Variants in ITSN2 observed in about 807,000 individuals in gnomAD.
ITSN2 encodes intersectin 2.
A neutral mutation model predicts 243.7 loss-of-function variants in ITSN2; 156 were observed. The ratio of observed to expected loss-of-function variants is 0.64; its 90% confidence interval spans 0.56 to 0.73. The LOEUF (loss-of-function observed/expected upper bound fraction) is 0.73, where lower values mean the gene tolerates loss of function less well. Among genes scored for constraint, ITSN2 ranks in the 30% least tolerant of loss-of-function variants. ITSN2 has a pLI of 0.00. For synonymous variants in ITSN2, 703 were observed against 699.9 expected, an observed-to-expected ratio of 1.00 and a Z score of -0.07; for missense variants, 1,801 against 1,996.1, an observed-to-expected ratio of 0.90 and a Z score of 1.86.
Position 24,221,008 on chromosome 2 carries a change from G to T in ITSN2, c.3636C>A (p.Gly1212=), listed in dbSNP as rs756446718. 6.2e-7 allele frequency: 1 copy of T among 1,609,980 alleles called. No individual in the cohort carries two copies. Among genetic ancestry groups the T allele is most frequent in the Non-Finnish European group, 8.5e-7 (1 of 1,178,506 alleles). ...TMQPIERKRQ[G]YIHELIQTEE... ...CGGTCTGAATCAGCTCATGAATATA[G>T]CCCTGTCTTTTCCTCTCAATTGGCT... The change falls in exon 30 of 40, where the codon GGC becomes GGA. Residue 1212 remains glycine, a synonymous_variant. Transcript: ENST00000355123.
chr2:24,271,817 C>G lies in ITSN2; in HGVS notation c.2206G>C (p.Glu736Gln). The G allele has an allele frequency of 6.2e-7, 1 of 1,608,412 alleles. No homozygotes were observed. Among genetic ancestry groups the G allele is most frequent in the Non-Finnish European group, 8.5e-7 (1 of 1,178,808 alleles). Residue 736 changes from glutamate to glutamine, a missense_variant, in exon 19 of 40, where the codon GAG (glutamate) becomes CAG (glutamine). Glu to Gln is a conservative substitution (Grantham distance 29). Transcript: ENST00000355123. The stretch of plus-strand genomic sequence containing the variant: ...TCCTTATCCTTACGTTGTTTCTCCT[C>G]AGCTTTCCGTTCCTCTTCTTGAATT... ...EKIQEEERKA[E>Q]EKQRKDKDTL...
intron 17 of ITSN2, among the ~76,000 whole-genome samples, chr2:24,281,031 T>C (rs1678704505): frequency 6.6e-6 from 1 of 152,180 alleles, no homozygotes; most frequent in African/African-American, 2.4e-5. Flanking sequence ...TAGGGTTTGT[T>C]TGTTTGTTTT....
chr2:24,303,866 AT>A lies in ITSN2; in HGVS notation c.794-5del. 2 of 1,589,354 alleles carry A rather than the reference AT, an allele frequency of 1.3e-6. No homozygotes were observed. Among genetic ancestry groups the A allele is most frequent in the Non-Finnish European group, 8.6e-7 (1 of 1,157,432 alleles). ...AGGGCATTTCTAGCTTGAAAACCTGATTAAGTGGGGAAAATCATAAAGGAAT... is the reference window on the plus strand; with the variant it reads ...AGGGCATTTCTAGCTTGAAAACCTGATAAGTGGGGAAAATCATAAAGGAAT... On this transcript the variant is annotated splice_polypyrimidine_tract_variant and splice_region_variant and intron_variant, in intron 8 of 39. Coordinates refer to ENST00000355123, the MANE Select transcript of ITSN2 (RefSeq NM_006277.3).
chr2:24,356,684 C>T (rs1037430051), intron 1 of ITSN2, among the ~76,000 whole-genome samples: 3 of 152,028 alleles, frequency 2.0e-5, no homozygotes, highest in Non-Finnish European at 2.9e-5. Flanking sequence ...GAGGCCAAGG[C>T]GGGTGGCTCA....
intron 3 of ITSN2, among the ~76,000 whole-genome samples, chr2:24,314,054 G>A (rs1683611435): frequency 1.3e-5 from 2 of 152,096 alleles, no homozygotes; most frequent in African/African-American, 4.8e-5. Context: ...TTGCTTTACT[G>A]CTTGCTACAA....
intron 9 of ITSN2, among the ~76,000 whole-genome samples, chr2:24,302,698 G>C (rs1224290555): frequency 6.6e-6 from 1 of 152,190 alleles, no homozygotes; most frequent in Admixed American, 6.5e-5. Context: ...AGAAAGAGAA[G>C]TAACTACCCC....
At chr2:24,262,208 C>T (rs1391438132) in intron 20 of ITSN2, among the ~76,000 whole-genome samples, 1 of 152,108 alleles carries the variant, frequency 6.6e-6, no homozygotes, top group Non-Finnish European at 1.5e-5. Context: ...TCTTACTCTA[C>T]CAATACTGTT....
intron 15 of ITSN2, among the ~76,000 whole-genome samples, chr2:24,287,013 T>G (rs1679592094): frequency 6.6e-6 from 1 of 152,152 alleles, no homozygotes; most frequent in South Asian, 2.1e-4. Context: ...TATCATATTT[T>G]TGAAGTACAG....
intron 13 of ITSN2, among the ~76,000 whole-genome samples, 188 bp from the exon 14 acceptor site, chr2:24,295,992 A>G (rs1680913947): frequency 1.3e-5 from 2 of 152,202 alleles, no homozygotes; most frequent in South Asian, 4.1e-4. Flanking sequence ...TATTAGTGGG[A>G]AACACATCAT....
At chr2:24,212,927 G>A (rs765819854) in intron 32 of ITSN2, among the ~76,000 whole-genome samples, 179 bp from the exon 33 acceptor site, 6 of 151,996 alleles carry the variant, frequency 3.9e-5, no homozygotes, top group Non-Finnish European at 8.8e-5. Flanking sequence ...TAAAATTTGT[G>A]TATATTCACA....
chr2:24,234,594 C>T (rs1027646145), intron 29 of ITSN2, among the ~76,000 whole-genome samples: 5 of 151,950 alleles, frequency 3.3e-5, no homozygotes, highest in African/African-American at 4.8e-5. Context: ...TTGCAAAAGA[C>T]GTATCTGATA....
intron 1 of ITSN2, among the ~76,000 whole-genome samples, chr2:24,353,036 T>C (rs1283601739): frequency 1.3e-5 from 2 of 152,182 alleles, no homozygotes; most frequent in East Asian, 3.8e-4. Flanking sequence ...AAAGACAACT[T>C]TTAAGTTTTG....
intron 29 of ITSN2, among the ~76,000 whole-genome samples, chr2:24,229,983 C>T (rs950626704): frequency 6.6e-6 from 1 of 152,190 alleles, no homozygotes; most frequent in Non-Finnish European, 1.5e-5. Context: ...CCTCGACATA[C>T]TCAGAGCCTT....
At chr2:24,310,767 G>T in intron 5 of ITSN2, 75 bp from the exon 6 acceptor site, 1 of 1,176,176 alleles carries the variant, frequency 8.5e-7, no homozygotes, top group Non-Finnish European at 1.2e-6. Flanking sequence ...CAAGTTTACA[G>T]TACAGTGGGC....
At position 24,216,534 on chromosome 2, in the gene ITSN2, T is replaced by C. The variant is rs144347794; in HGVS notation, c.3807-302A>G. Reference sequence around the variant, plus strand: ...ATTTCGGGAGGCCGAGGCAAGAGGATTGCTTGAGCCCAGGAGTTCGAGACC... The same window carrying C: ...ATTTCGGGAGGCCGAGGCAAGAGGACTGCTTGAGCCCAGGAGTTCGAGACC... On this transcript the variant is annotated intron_variant, in intron 31 of 39. Coordinates refer to ENST00000355123, the MANE Select transcript of ITSN2 (RefSeq NM_006277.3). Among the ~76,000 whole-genome samples the C allele has an allele frequency of 4.4e-4, 67 of 152,294 alleles. No homozygotes were observed. In the East Asian group the frequency reaches 9.5e-3, roughly 22 times the overall value.
chr2:24,252,533 G>T lies in ITSN2; in HGVS notation c.2954-22C>A, dbSNP rs1440143259. The T allele has an allele frequency of 3.2e-6, 5 of 1,558,024 alleles. No homozygotes were observed. In the Admixed American group the frequency reaches 7.2e-5, roughly 22 times the overall value. ...TATTCTGTAGGGAACAAAGCAAAAA[G>T]AAGTAGATTCTGGTTTTAAGATTAC... On this transcript the variant is annotated intron_variant, in intron 24 of 39. Transcript: ENST00000355123.
chr2:24,280,412 A>T (rs745837283), intron 17 of ITSN2, among the ~76,000 whole-genome samples: 10 of 152,070 alleles, frequency 6.6e-5, no homozygotes, highest in Non-Finnish European at 1.5e-4. Flanking sequence ...TTATCCCTTA[A>T]TCTGACCCAA....
chr2:24,235,574 G>A (rs1442924823), intron 29 of ITSN2, among the ~76,000 whole-genome samples: 1 of 152,098 alleles, frequency 6.6e-6, no homozygotes, highest in South Asian at 2.1e-4. Flanking sequence ...TGCCTGTGTC[G>A]GGGCAAGGGA....
chr2:24,266,646 C>A (rs926540884), intron 20 of ITSN2, among the ~76,000 whole-genome samples: 1 of 151,692 alleles, frequency 6.6e-6, no homozygotes, highest in Non-Finnish European at 1.5e-5. Flanking sequence ...ATAGTTAAGT[C>A]TGCCAGGCAC....
Sources: gnomAD v4.1 joint callset for allele counts (sites outside exome capture counted in the v4.1 genomes callset) on GRCh38, gnomAD v4.1.1 for gene constraint, MANE v1.5 for transcripts, NCBI Gene and HGNC (gene_info 2026-07-23, HGNC 2026-07-21) for gene names.